NPSR1: variants seen among roughly 807,000 people sequenced by gnomAD.
NPSR1 encodes neuropeptide S receptor 1.
NPSR1 carries 48 observed loss-of-function variants against 46.9 expected under a neutral mutation model. That is an observed-to-expected ratio of 1.02 (90% confidence interval 0.81 to 1.30). The LOEUF (loss-of-function observed/expected upper bound fraction) is 1.30. Ranked by LOEUF, NPSR1 falls within the 50% of genes most tolerant of loss-of-function variation. The pLI is 0.00. For missense variants in NPSR1, 450 were observed against 449.5 expected, an observed-to-expected ratio of 1.00 and a Z score of -0.01; for synonymous variants, 176 against 168.1, an observed-to-expected ratio of 1.05 and a Z score of -0.36.
chr7:34,726,348 C>A (rs1784149790), intron 2 of NPSR1, among the ~76,000 whole-genome samples: 1 of 152,186 alleles, frequency 6.6e-6, no homozygotes. Context: ...CCATCCAGAA[C>A]ACTGACAACA....
chr7:34,695,217 A>G (rs1793458390), intron 2 of NPSR1, among the ~76,000 whole-genome samples: 1 of 152,224 alleles, frequency 6.6e-6, no homozygotes, highest in Non-Finnish European at 1.5e-5. Context: ...ACAATATGGA[A>G]AGGACACCTT....
rs188731499 is a variant in NPSR1 at position 34,762,206 on chromosome 7, A to G, written c.281-16256A>G. ...CTTAGGACCAAAGCTTTCTGTGAAGAGAGTGCTCTAATGAGAATAAATGTG... is the reference window on the plus strand; with the variant it reads ...CTTAGGACCAAAGCTTTCTGTGAAGGGAGTGCTCTAATGAGAATAAATGTG... On this transcript the variant is annotated intron_variant, in intron 2 of 8. Transcript: ENST00000360581. 1.7e-3 allele frequency among the ~76,000 whole-genome samples: 259 copies of G among 152,300 alleles called. 3 individuals are homozygous for G. The highest frequency in any genetic ancestry group is 2.6e-3 in the Non-Finnish European group (175 of 68,024).
chr7:34,754,182 T>C (rs1785695661), intron 2 of NPSR1, among the ~76,000 whole-genome samples: 1 of 152,144 alleles, frequency 6.6e-6, no homozygotes, highest in African/African-American at 2.4e-5. Flanking sequence ...GGTGGTCAAC[T>C]GGACACAGGA....
chr7:34,849,610 T>C lies in NPSR1; in HGVS notation c.1071T>C (p.Thr357=), dbSNP rs10275028. The change falls in exon 9 of 9, where the codon ACT becomes ACC. Residue 357 remains threonine, a synonymous_variant. Coordinates refer to ENST00000360581, the MANE Select transcript of NPSR1 (RefSeq NM_207172.2). ...QDSRMTFRER[T]ERHEMQILSK... The stretch of plus-strand genomic sequence containing the variant: ...CCAGAATGACGTTCCGGGAGAGAAC[T>C]GAGAGGCATGAGATGCAGATTCTGT... 530,666 of 1,613,330 alleles carry C rather than the reference T, an allele frequency of 0.33. 90,593 individuals are homozygous for C. Among genetic ancestry groups the C allele is most frequent in the African/African-American group, 0.39 (28,944 of 74,914 alleles).
chr7:34,727,932 C>T (rs1266862425), intron 2 of NPSR1, among the ~76,000 whole-genome samples: 2 of 150,962 alleles, frequency 1.3e-5, no homozygotes, highest in Non-Finnish European at 1.5e-5. Context: ...TTTAAAAATC[C>T]CTGATGATAG....
intron 2 of NPSR1, among the ~76,000 whole-genome samples, chr7:34,705,426 C>A (rs1794051846): frequency 7.8e-6 from 1 of 127,588 alleles, no homozygotes; most frequent in Non-Finnish European, 1.6e-5. Flanking sequence ...CAGAATGAGA[C>A]TCCATATCAA....
At chr7:34,776,312 C>T (rs1786955584) in intron 2 of NPSR1, among the ~76,000 whole-genome samples, 2 of 152,054 alleles carry the variant, frequency 1.3e-5, no homozygotes, top group African/African-American at 2.4e-5. Flanking sequence ...AAGTCTCCAG[C>T]TATTATTGTA....
chr7:34,771,604 A>G (rs1048575053), intron 2 of NPSR1, among the ~76,000 whole-genome samples: 1 of 152,216 alleles, frequency 6.6e-6, no homozygotes, highest in Admixed American at 6.5e-5. Flanking sequence ...ACAGGGACTC[A>G]TATCTGCACA....
At chr7:34,740,705 C>A (rs1162823103) in intron 2 of NPSR1, among the ~76,000 whole-genome samples, 2 of 152,152 alleles carry the variant, frequency 1.3e-5, no homozygotes, top group East Asian at 1.9e-4. Flanking sequence ...TGGGGGTGGA[C>A]AATCTCCCTT....
intron 6 of NPSR1, 22 bp downstream of exon 6, chr7:34,834,482 C>G: frequency 6.4e-7 from 1 of 1,555,238 alleles, no homozygotes; most frequent in Non-Finnish European, 8.9e-7. Context: ...CTCTGCATGG[C>G]CCAATTCTTG....
chr7:34,730,273 A>G (rs1206250133), intron 2 of NPSR1, among the ~76,000 whole-genome samples: 15 of 152,200 alleles, frequency 9.9e-5, no homozygotes, highest in Admixed American at 9.8e-4. Context: ...TAGAGAAAAA[A>G]GGGATCATGT....
intron 2 of NPSR1, among the ~76,000 whole-genome samples, chr7:34,761,691 A>G (rs2128729212): frequency 6.6e-6 from 1 of 152,262 alleles, no homozygotes; most frequent in African/African-American, 2.4e-5. Flanking sequence ...CTTCTCTTGG[A>G]TTTCTAAACA....
chr7:34,749,288 C>T (rs1358011016), intron 2 of NPSR1, among the ~76,000 whole-genome samples: 2 of 152,150 alleles, frequency 1.3e-5, no homozygotes, highest in East Asian at 1.9e-4. Context: ...AATGTCTTAA[C>T]ATTTCTCTTG....
chr7:34,827,861 C>T (rs1030322712), intron 5 of NPSR1, among the ~76,000 whole-genome samples: 4 of 152,156 alleles, frequency 2.6e-5, no homozygotes, highest in Admixed American at 2.0e-4. Context: ...ATCACATTAG[C>T]CACAGTATAA....
At chr7:34,750,978 C>T in intron 2 of NPSR1, 2 of 766,834 alleles carry the variant, frequency 2.6e-6, no homozygotes, top group Non-Finnish European at 2.4e-6. Flanking sequence ...GATTGCATTG[C>T]CCTTGTGGAA....
At chr7:34,748,828 T>C (rs1049447829) in intron 2 of NPSR1, among the ~76,000 whole-genome samples, 2 of 152,032 alleles carry the variant, frequency 1.3e-5, no homozygotes, top group Non-Finnish European at 2.9e-5. Context: ...AATAGAATCC[T>C]AGACACTTAT....
chr7:34,790,845 A>AGG lies in NPSR1; in HGVS notation c.384+12280_384+12281insGG, dbSNP rs1299249761. Among the ~76,000 whole-genome samples, 195 of 128,954 alleles carry AGG rather than the reference A, an allele frequency of 1.5e-3. 17 individuals are homozygous for AGG. Among genetic ancestry groups the AGG allele is most frequent in the African/African-American group, 5.2e-3 (183 of 35,342 alleles). 84.6% of individuals were successfully genotyped at this position (128,954 alleles called of 152,430 possible). Reference sequence around the variant, plus strand: ...ATAGGTTATATGTTATGTTATATATATGTTATATGTTATGTTATATATGTT... The same window carrying AGG: ...ATAGGTTATATGTTATGTTATATATAGGTGTTATATGTTATGTTATATATGTT... On this transcript the variant is annotated intron_variant, in intron 3 of 8. Transcript: ENST00000360581.
At chr7:34,750,338 T>C (rs940030828) in intron 2 of NPSR1, 1 of 715,854 alleles carries the variant, frequency 1.4e-6, no homozygotes. Context: ...TAAAAAATCT[T>C]CCTCACTTGA....
chr7:34,876,221 C>T (rs1231051065), intron 8 of NPSR1, among the ~76,000 whole-genome samples: 1 of 152,192 alleles, frequency 6.6e-6, no homozygotes, highest in Non-Finnish European at 1.5e-5. Flanking sequence ...GGAAATATCA[C>T]TGCTGTCCCA....
Sources: gnomAD v4.1 joint callset for allele counts (sites outside exome capture counted in the v4.1 genomes callset) on GRCh38, gnomAD v4.1.1 for gene constraint, MANE v1.5 for transcripts, NCBI Gene and HGNC (gene_info 2026-07-23, HGNC 2026-07-21) for gene names.